The following KLF12 variants were observed in gnomAD, a reference collection of about 807,000 sequenced individuals.
The protein encoded by KLF12 is KLF transcription factor 12, also known as Krueppel-like factor 12.
In KLF12, 9 loss-of-function variants were observed where a neutral mutation model predicts 37.8. The ratio of observed to expected loss-of-function variants is 0.24; its 90% CI spans 0.14 to 0.42. KLF12 has a LOEUF of 0.42. Among genes scored for constraint, KLF12 ranks in the 10% least tolerant of loss-of-function variants. The probability of loss-of-function intolerance (pLI) is 1.00; values close to 1 mark genes in which losing one functional copy is unlikely to be tolerated. For missense variants in KLF12, 411 were observed against 516.0 expected, an observed-to-expected ratio of 0.80 and a Z score of 1.97; for synonymous variants, 208 against 202.1, an observed-to-expected ratio of 1.03 and a Z score of -0.25.
chr13:73,996,148 A>T (rs1489511296), intron 1 of KLF12, among the ~76,000 whole-genome samples: 1 of 152,216 alleles, frequency 6.6e-6, no homozygotes, highest in Admixed American at 6.5e-5. Context: ...CCAGTTTTAA[A>T]TATATATGTC....
intron 2 of KLF12, among the ~76,000 whole-genome samples, chr13:73,978,721 C>T (rs1419834808): frequency 1.3e-5 from 2 of 151,968 alleles, no homozygotes; most frequent in East Asian, 1.9e-4. Context: ...ATATGCATAC[C>T]GATGTTAATA....
At chr13:74,237,738 CTGTT>C in the KLF12 span, among the ~76,000 whole-genome samples, 13 of 152,284 alleles carry the variant, frequency 8.5e-5, no homozygotes, top group African/African-American at 2.6e-4. Flanking sequence ...ATTTGGCTCT[CTGTT>C]TGTCTGTTGG....
At chr13:74,136,307 C>G (rs1360300735), upstream of KLF12, among the ~76,000 whole-genome samples, 1 of 152,144 alleles carries the variant, frequency 6.6e-6, no homozygotes, top group African/African-American at 2.4e-5. Context: ...CTGATCCGAT[C>G]CTGGGCCTAG....
chr13:73,934,993 T>TTTA (rs1889864568), intron 3 of KLF12, among the ~76,000 whole-genome samples: 5 of 116,374 alleles, frequency 4.3e-5, no homozygotes, highest in Non-Finnish European at 9.6e-5. Context: ...TTATTTATTT[T>TTTA]GAGACAGATG....
chr13:74,261,273 T>C, the KLF12 span, among the ~76,000 whole-genome samples: 1 of 152,190 alleles, frequency 6.6e-6, no homozygotes, highest in Non-Finnish European at 1.5e-5. Flanking sequence ...CTGGTATAAA[T>C]ATAATTAGAG....
the KLF12 span, among the ~76,000 whole-genome samples, chr13:74,260,539 G>T: frequency 7.0e-6 from 1 of 142,484 alleles, no homozygotes; most frequent in African/African-American, 2.7e-5. Flanking sequence ...GGGTGACAGA[G>T]TGAAACACTG....
rs1347470046 is a variant in KLF12, at chr13:73,690,572, TAAACCATCCTGGCTA to T, written c.*4903_*4917del. The T allele has an allele frequency of 2.6e-5, 4 of 152,230 alleles. No homozygotes were observed. The highest frequency in any genetic ancestry group is 9.7e-5 in the African/African-American group (4 of 41,450). 9.4% of individuals were successfully genotyped at this position (152,230 alleles called of 1,614,324 possible). ...AACTTAAAATGACTTCATTATATTT[TAAACCATCCTGGCTA>T]AACCATGACAAGTGGCCACTCTATT... is the stretch of plus-strand genomic sequence containing the variant. On this transcript the variant is annotated 3_prime_UTR_variant, in exon 8 of 8. Transcript: ENST00000377669.
chr13:73,729,946 T>C (rs895421622), intron 6 of KLF12, among the ~76,000 whole-genome samples: 5 of 152,090 alleles, frequency 3.3e-5, no homozygotes, highest in Admixed American at 1.3e-4. Context: ...ATCTACGACA[T>C]GTGGAAGTGT....
rs369789294 is a variant in KLF12, at chr13:73,810,614, T to A, written c.806+2538A>T. On this transcript the variant is annotated intron_variant, in intron 5 of 7. Transcript: ENST00000377669. ...GTCACTACAGTTCCAAACTTTAAAG[T>A]TTAATTTAAAAGAAATGCATATATT... Among the ~76,000 whole-genome samples, 10 of 148,696 alleles carry A rather than the reference T, an allele frequency of 6.7e-5. No individual in the cohort carries two copies. In the East Asian group the frequency reaches 1.2e-3, roughly 18 times the overall value.
the KLF12 span, among the ~76,000 whole-genome samples, chr13:74,171,537 C>A: frequency 6.6e-6 from 1 of 152,198 alleles, no homozygotes; most frequent in South Asian, 2.1e-4. Context: ...GGCATTGCAG[C>A]AGCTGCCACC....
chr13:73,845,964 T>G lies in KLF12; in HGVS notation c.533A>C (p.Asn178Thr). The change falls in exon 4 of 8, where the codon AAC becomes ACC. Residue 178 changes from asparagine (N) to threonine (T), a missense_variant. By Grantham distance (65) the Asn-to-Thr change is moderately conservative. Coordinates refer to ENST00000377669, the MANE Select transcript of KLF12 (RefSeq NM_007249.5). ...GATGCGGTGAACATGACTCAGTTTG[T>G]TAGACTGTAAATTCATGGGACTTGA... is the stretch of plus-strand genomic sequence containing the variant. The G allele has an allele frequency of 1.1e-5, 17 of 1,614,120 alleles. No individual in the cohort carries two copies. The highest frequency in any genetic ancestry group is 1.4e-5 in the Non-Finnish European group (17 of 1,180,010).
intron 1 of KLF12, among the ~76,000 whole-genome samples, chr13:74,086,865 A>G (rs773921554): frequency 7.2e-5 from 11 of 152,214 alleles, no homozygotes; most frequent in Non-Finnish European, 1.3e-4. Flanking sequence ...AGAAAATAAA[A>G]TGTTATTAAG....
At chr13:73,806,804 AG>A (rs1234766756) in intron 5 of KLF12, among the ~76,000 whole-genome samples, 1 of 152,130 alleles carries the variant, frequency 6.6e-6, no homozygotes, top group East Asian at 1.9e-4. Context: ...TCTGCCAAAA[AG>A]TTGCCTCTTA....
chr13:74,191,384 G>T, the KLF12 span, among the ~76,000 whole-genome samples: 1 of 152,122 alleles, frequency 6.6e-6, no homozygotes. Context: ...AATGCCCAAA[G>T]CCCTGAAAAA....
intron 3 of KLF12, among the ~76,000 whole-genome samples, chr13:73,934,603 C>T (rs1889840258): frequency 6.6e-6 from 1 of 151,938 alleles, no homozygotes; most frequent in Non-Finnish European, 1.5e-5. Context: ...ATTTATCTTC[C>T]TTCATGTGTA....
chr13:74,255,101 T>C, the KLF12 span, among the ~76,000 whole-genome samples: 1 of 152,176 alleles, frequency 6.6e-6, no homozygotes, highest in South Asian at 2.1e-4. Context: ...GTTTTAGAAA[T>C]TTAGCATTAA....
At chr13:73,984,115 G>A (rs1324101245) in intron 2 of KLF12, among the ~76,000 whole-genome samples, 5 of 152,212 alleles carry the variant, frequency 3.3e-5, no homozygotes, top group Non-Finnish European at 7.3e-5. Flanking sequence ...ACAGCAAGCA[G>A]GTAGAGCTGC....
chr13:73,787,892 T>TA (rs143176700), intron 5 of KLF12, among the ~76,000 whole-genome samples: 28,463 of 151,956 alleles, frequency 0.19, 3,485 homozygotes, highest in East Asian at 0.45. Flanking sequence ...TTGCAGGAGG[T>TA]AGAAATAACC....
chr13:73,809,335 T>C (rs1882808504), intron 5 of KLF12, among the ~76,000 whole-genome samples: 1 of 150,408 alleles, frequency 6.6e-6, no homozygotes, highest in Admixed American at 6.6e-5. Context: ...TGACAGCCTT[T>C]AAGTTTACAG....
Sources: gnomAD v4.1 joint callset for allele counts (sites outside exome capture counted in the v4.1 genomes callset) on GRCh38, gnomAD v4.1.1 for gene constraint, MANE v1.5 for transcripts, NCBI Gene and HGNC (gene_info 2026-07-23, HGNC 2026-07-21) for gene names.